Variants in PCDH15 observed in about 807,000 individuals in gnomAD.
PCDH15 encodes protocadherin related 15.
A neutral mutation model predicts 178.5 loss-of-function variants in PCDH15; 129 were observed. The ratio of observed to expected loss-of-function variants is 0.72; its 90% CI spans 0.63 to 0.84. The LOEUF is 0.84. Ranked by LOEUF, PCDH15 falls within the 40% of genes least tolerant of loss-of-function variation. The pLI is 0.00. For missense variants in PCDH15, 2,230 were observed against 2,099.9 expected, an observed-to-expected ratio of 1.06 and a Z score of -1.21; for synonymous variants, 800 against 732.0, an observed-to-expected ratio of 1.09 and a Z score of -1.50.
In PCDH15 at chr10:54,312,993, C is replaced by T. The variant is rs74136120; in HGVS notation, c.876+4278G>A. ...TATAAATCTTAAATTCTCATTTTTTCAAAGTATGTTAAGGAATGGCTCAAT... is the reference window on the plus strand; with the variant it reads ...TATAAATCTTAAATTCTCATTTTTTTAAAGTATGTTAAGGAATGGCTCAAT... On this transcript the variant is annotated intron_variant, in intron 8 of 37. Coordinates refer to ENST00000644397, the MANE Select transcript of PCDH15 (RefSeq NM_001384140.1). 2.1e-3 allele frequency among the ~76,000 whole-genome samples: 312 copies of T among 151,806 alleles called. 1 individual carries two copies. Among genetic ancestry groups the T allele is most frequent in the African/African-American group, 7.2e-3 (300 of 41,424 alleles).
Position 54,821,415 on chromosome 10 carries a change from TA to T in PCDH15, c.-29+76034del, listed in dbSNP as rs879341234. ...TACACAATTTTCTAACCCTTTTTAA[TA>T]AAAAAAAAATTACAAATGTAAAATT... On this transcript the variant is annotated intron_variant, in intron 3 of 5. Transcript: ENST00000458638. Among the ~76,000 whole-genome samples, 1,111 of 147,802 alleles carry T rather than the reference TA, an allele frequency of 7.5e-3. 6 individuals are homozygous for T. The highest frequency in any genetic ancestry group is 0.025 in the African/African-American group (1,001 of 40,262).
In PCDH15 at chr10:54,300,489, G is replaced by A. The variant is rs186652880; in HGVS notation, c.876+16782C>T. Among the ~76,000 whole-genome samples the A allele has an allele frequency of 9.2e-5, 14 of 152,290 alleles. No homozygotes were observed. The East Asian group carries it at 1.2e-3, about 13-fold the overall frequency. The stretch of plus-strand genomic sequence containing the variant: ...TGACCCACTGGCCCTTTCACTGGCC[G>A]AAAGAGTTCCCCTCTGGAGGACACT... On this transcript the variant is annotated intron_variant, in intron 8 of 37. Coordinates refer to ENST00000644397, the MANE Select transcript of PCDH15 (RefSeq NM_001384140.1).
At chr10:55,339,658 G>T (rs147985363) in intron 2 of PCDH15, among the ~76,000 whole-genome samples, 78 of 152,170 alleles carry the variant, frequency 5.1e-4, no homozygotes, top group African/African-American at 1.6e-3. Flanking sequence ...TAAATAAAAT[G>T]ATAAACTGTT....
intron 2 of PCDH15, chr10:55,513,223 T>C (rs1217161367): frequency 6.6e-6 from 1 of 152,076 alleles, no homozygotes; most frequent in Non-Finnish European, 1.5e-5. Flanking sequence ...AAGGCTAGTG[T>C]TTTCTGTATT....
chr10:54,043,298 G>A (rs953912709), intron 18 of PCDH15, among the ~76,000 whole-genome samples: 3 of 152,010 alleles, frequency 2.0e-5, no homozygotes, highest in African/African-American at 4.8e-5. Context: ...CCATTAGCAC[G>A]TTTAAAGAAG....
chr10:54,279,796 T>C (rs2058568106), intron 8 of PCDH15, among the ~76,000 whole-genome samples: 1 of 151,738 alleles, frequency 6.6e-6, no homozygotes, highest in Non-Finnish European at 1.5e-5. Context: ...CATGCTTCAC[T>C]TATTTACGGT....
intron 2 of PCDH15, among the ~76,000 whole-genome samples, chr10:55,341,784 TATATATATATATATATATATA>T (rs1565031883): frequency 6.4e-3 from 77 of 12,096 alleles, no homozygotes; most frequent in African/African-American, 0.028. Context: ...TATATATATA[TATATATATATATATATATATA>T]TTTTTTTTTT....
At chr10:54,119,177 T>C (rs11524767) in intron 15 of PCDH15, among the ~76,000 whole-genome samples, 9,412 of 151,952 alleles carry the variant, frequency 0.062, 462 homozygotes, top group African/African-American at 0.13. Context: ...GACAGATAAA[T>C]AATATAAAAC....
At chr10:55,024,388 T>C (rs1840423341) in intron 2 of PCDH15, among the ~76,000 whole-genome samples, 1 of 148,282 alleles carries the variant, frequency 6.7e-6, no homozygotes, top group Non-Finnish European at 1.5e-5. Context: ...TGTACACAGA[T>C]ATACATCTGA....
chr10:54,421,974 G>A (rs1310947659), intron 3 of PCDH15, among the ~76,000 whole-genome samples: 10 of 140,942 alleles, frequency 7.1e-5, no homozygotes, highest in African/African-American at 1.8e-4. Flanking sequence ...TTTAGGGAGG[G>A]CATTGTTAAT....
chr10:55,201,685 C>A (rs982739629), intron 1 of PCDH15, among the ~76,000 whole-genome samples: 1 of 152,096 alleles, frequency 6.6e-6, no homozygotes, highest in Non-Finnish European at 1.5e-5. Context: ...TCCACTGATA[C>A]GTGAAAACGT....
chr10:53,852,830 T>C (rs116404469), intron 28 of PCDH15, among the ~76,000 whole-genome samples: 3,113 of 152,026 alleles, frequency 0.02, 117 homozygotes, highest in African/African-American at 0.07. Context: ...AATATAGAAA[T>C]GGCTTTGATG....
chr10:54,371,389 T>C (rs1947649174), intron 4 of PCDH15, among the ~76,000 whole-genome samples: 1 of 151,818 alleles, frequency 6.6e-6, no homozygotes, highest in African/African-American at 2.4e-5. Context: ...AGGTAGATTA[T>C]AACAGGTACC....
At chr10:54,866,601 T>G (rs1057261313) in intron 3 of PCDH15, among the ~76,000 whole-genome samples, 162 of 152,320 alleles carry the variant, frequency 1.1e-3, no homozygotes, top group African/African-American at 3.8e-3. Context: ...GTTCTCAATT[T>G]TGTCAAAATC....
chr10:54,713,526 A>C (rs1477543181), intron 1 of PCDH15, among the ~76,000 whole-genome samples: 1 of 152,084 alleles, frequency 6.6e-6, no homozygotes, highest in African/African-American at 2.4e-5. Flanking sequence ...AGTTTAAATA[A>C]ATTCCGAATT....
intron 8 of PCDH15, among the ~76,000 whole-genome samples, chr10:54,280,783 A>G (rs984076942): frequency 6.6e-6 from 1 of 151,806 alleles, no homozygotes; most frequent in Non-Finnish European, 1.5e-5. Flanking sequence ...AGTATTTTAC[A>G]TTAAGTAATT....
chr10:54,619,406 A>G (rs915625266), intron 2 of PCDH15: 1 of 152,156 alleles, frequency 6.6e-6, no homozygotes, highest in African/African-American at 2.4e-5. Context: ...GTATGGTTTC[A>G]TAATGACATT....
chr10:54,348,561 A>T (rs770012037), intron 5 of PCDH15, among the ~76,000 whole-genome samples: 2 of 152,154 alleles, frequency 1.3e-5, no homozygotes, highest in Admixed American at 1.3e-4. Flanking sequence ...TGATATTTTT[A>T]TTACCAACTT....
At chr10:54,869,158 T>C (rs1277679979) in intron 3 of PCDH15, 2 of 152,044 alleles carry the variant, frequency 1.3e-5, no homozygotes, top group Non-Finnish European at 2.9e-5. Flanking sequence ...GAGGTTCTTA[T>C]AATAAGAGGG....
Sources: gnomAD v4.1 joint callset for allele counts (sites outside exome capture counted in the v4.1 genomes callset) on GRCh38, gnomAD v4.1.1 for gene constraint, MANE v1.5 for transcripts, NCBI Gene and HGNC (gene_info 2026-07-23, HGNC 2026-07-21) for gene names.